IGFN1: variants seen among roughly 807,000 people sequenced by gnomAD.
The protein encoded by IGFN1 is immunoglobulin like and fibronectin type III domain containing 1, also known as immunoglobulin-like and fibronectin type III domain-containing protein 1.
In IGFN1, 253 loss-of-function variants were observed where a neutral mutation model predicts 289.5. The ratio of observed to expected loss-of-function variants is 0.87; its 90% CI spans 0.79 to 0.97. The LOEUF (loss-of-function observed/expected upper bound fraction) is 0.97. Ranked by LOEUF, IGFN1 falls within the 50% of genes least tolerant of loss-of-function variation. IGFN1 has a pLI of 0.00. For missense variants in IGFN1, 4,470 were observed against 4,686.1 expected (o/e 0.95, Z 1.35); for synonymous variants, 1,706 against 1,788.5 (o/e 0.95, Z 1.16).
At chr1:201,202,452 C>T (rs577241481) in intron 9 of IGFN1, among the ~76,000 whole-genome samples, 96 of 152,202 alleles carry the variant, frequency 6.3e-4, no homozygotes, top group African/African-American at 2.1e-3. Flanking sequence ...ATTCCTGCTT[C>T]TCTTCCCCTT....
In IGFN1 at chr1:201,218,547, G is replaced by A; in HGVS notation, c.9787G>A (p.Ala3263Thr). 6.2e-7 allele frequency: 1 copy of A among 1,613,336 alleles called. No individual in the cohort carries two copies. The highest frequency in any genetic ancestry group is 1.3e-5 in the African/African-American group (1 of 75,048). Residue 3263 changes from alanine (A) to threonine (T), a missense_variant, in exon 18 of 24, where the codon GCG becomes ACG. This residue lies in a region of IGFN1 where 2,218 missense variants were observed against 2,114.1 expected (regional missense o/e 1.05). Coordinates refer to ENST00000335211, the MANE Select transcript of IGFN1 (RefSeq NM_001164586.2). ...GTTCACAGAGAGGAGGTGGACGGTG[G>A]CGGACGTGCGGCAGGGCTGTCAGTA... Reference protein sequence around the residue: ...QPVPERRWTVADVRQGCQYEF... With the variant: ...QPVPERRWTVTDVRQGCQYEF...
chr1:201,216,199 C>T (rs1232857969), intron 15 of IGFN1: 5 of 600,260 alleles, frequency 8.3e-6, no homozygotes, highest in East Asian at 2.8e-5. Flanking sequence ...ACGGTGGGGC[C>T]GGGAGGGGCT....
rs1667841149 is a variant in IGFN1, at chr1:201,212,053, G to A, written c.7160G>A (p.Gly2387Asp). 6 of 1,536,410 alleles carry A rather than the reference G, an allele frequency of 3.9e-6. No individual in the cohort carries two copies. Among genetic ancestry groups the A allele is most frequent in the East Asian group, 2.4e-5 (1 of 40,918 alleles). ...EAGPRGHKAM[G>D]HRSGYWVASE... is the part of the protein sequence containing the mutation. ...GGACCCAGAGGCCATAAAGCCATGGGTCACAGGTCAGGATATTGGGTAGCA... is the reference window on the plus strand; with the variant it reads ...GGACCCAGAGGCCATAAAGCCATGGATCACAGGTCAGGATATTGGGTAGCA... The change falls in exon 12 of 24, where the codon GGT (glycine) becomes GAT (aspartate). Residue 2387 changes from glycine (G) to aspartate (D), a missense_variant. Gly to Asp is a moderately conservative substitution (Grantham distance 94, BLOSUM62 -1). This residue lies in a region of IGFN1 where 2,218 missense variants were observed against 2,114.1 expected (regional missense o/e 1.05). Coordinates refer to ENST00000335211, the MANE Select transcript of IGFN1 (RefSeq NM_001164586.2).
At chr1:201,223,106 T>C (rs1653843191) in intron 20 of IGFN1, 3 of 284,620 alleles carry the variant, frequency 1.1e-5, no homozygotes, top group Non-Finnish European at 2.0e-5. Context: ...ACCTCCAAAC[T>C]AAGGCTCTTC....
intron 7 of IGFN1, among the ~76,000 whole-genome samples, 171 bp from the exon 8 acceptor site, chr1:201,200,066 T>C (rs1176035541): frequency 2.0e-5 from 3 of 152,086 alleles, no homozygotes; most frequent in Admixed American, 6.5e-5. Flanking sequence ...GCCCCACCCA[T>C]CTCTGAATCC....
chr1:201,198,861 T>A (rs1667025771), intron 5 of IGFN1, among the ~76,000 whole-genome samples: 1 of 152,176 alleles, frequency 6.6e-6, no homozygotes, highest in South Asian at 2.1e-4. Flanking sequence ...TTTCAGCCTC[T>A]CTAGTGGAAG....
At position 201,206,793 on chromosome 1, in the gene IGFN1, A is replaced by T. The variant is rs1308634926; in HGVS notation, c.1900A>T (p.Ser634Cys). Residue 634 changes from serine (S) to cysteine (C), a missense_variant, in exon 12 of 24, where the codon AGC becomes TGC. Ser to Cys is a moderately radical substitution (Grantham distance 112). Transcript: ENST00000335211. Reference sequence around the variant, plus strand: ...GCAGATAGAGATTTCACAGGATGACAGCCTGGCTGAGATGGACAGAGGGGA... The same window carrying T: ...GCAGATAGAGATTTCACAGGATGACTGCCTGGCTGAGATGGACAGAGGGGA... ...GKQIEISQDD[S>C]LAEMDRGDAP... 1.3e-6 allele frequency: 2 copies of T among 1,536,832 alleles called. No homozygotes were observed. Among genetic ancestry groups the T allele is most frequent in the Non-Finnish European group, 1.7e-6 (2 of 1,146,912 alleles).
Position 201,200,345 on chromosome 1 carries a change from C to T in IGFN1, c.567C>T (p.Val189=), listed in dbSNP as rs556354829. The T allele has an allele frequency of 1.7e-5, 26 of 1,551,744 alleles. No individual in the cohort carries two copies. Among genetic ancestry groups the T allele is most frequent in the South Asian group, 1.4e-4 (12 of 84,062 alleles). ...AGATCTGCTTGAAGTATGGCATCGT[C>T]GACTACCGTGGCATGTTGCGCAGGC... ...YEKICLKYGI[V]DYRGMLRRLQ... is the part of the protein sequence containing the mutation. Residue 189 remains valine, a synonymous_variant, in exon 8 of 24, where the codon GTC becomes GTT. Coordinates refer to ENST00000335211, the MANE Select transcript of IGFN1 (RefSeq NM_001164586.2).
In IGFN1 at chr1:201,206,407, A is replaced by C; in HGVS notation, c.1514A>C (p.Glu505Ala). The C allele has an allele frequency of 6.4e-7, 1 of 1,550,936 alleles. No homozygotes were observed. Residue 505 changes from glutamate (E) to alanine (A), a missense_variant, in exon 12 of 24, where the codon GAA (glutamate) becomes GCA (alanine). Around this residue, in one of 8 missense-constraint regions of IGFN1, gnomAD observed 2,011 missense variants for 1,953.4 expected, o/e 1.03. Transcript: ENST00000335211. ...GGAAGCAGAGCCACTCTTCCCAGGG[A>C]AAATCAATCCCACAGAGAGGGAGGC... ...AEGSRATLPR[E>A]NQSHREGGWA...
rs1480031258 is a variant in IGFN1, at chr1:201,211,999, G to C, written c.7106G>C (p.Gly2369Ala). Residue 2369 changes from glycine (G) to alanine (A), a missense_variant, in exon 12 of 24, where the codon GGC becomes GCC. Gly to Ala is a moderately conservative substitution (Grantham distance 60). Around this residue, in one of 8 missense-constraint regions of IGFN1, gnomAD observed 2,218 missense variants for 2,114.1 expected, o/e 1.05. Coordinates refer to ENST00000335211, the MANE Select transcript of IGFN1 (RefSeq NM_001164586.2). ...GGTTCAGGGAGGCTTGGAGTACCAG[G>C]CTCACTGGCTGGAATAGGACATGAG... Reference protein sequence around the residue: ...GDGSGRLGVPGSLAGIGHEAG... With the variant: ...GDGSGRLGVPASLAGIGHEAG... The C allele has an allele frequency of 6.5e-7, 1 of 1,535,928 alleles. No individual in the cohort carries two copies. Among genetic ancestry groups the C allele is most frequent in the Non-Finnish European group, 8.7e-7 (1 of 1,146,536 alleles).
At position 201,212,637 on chromosome 1, in the gene IGFN1, T is replaced by G. The variant is rs757515335; in HGVS notation, c.7744T>G (p.Leu2582Val). 1 of 1,541,088 alleles carries G rather than the reference T, an allele frequency of 6.5e-7. No homozygotes were observed. Among genetic ancestry groups the G allele is most frequent in the Non-Finnish European group, 8.8e-7 (1 of 1,141,394 alleles). Residue 2582 changes from leucine to valine, a missense_variant, in exon 12 of 24, where the codon TTG becomes GTG. Around this residue, in one of 8 missense-constraint regions of IGFN1, gnomAD observed 2,218 missense variants for 2,114.1 expected, o/e 1.05. Transcript: ENST00000335211. ...ATCTCAGGGAGGTGGGGACTCACTT[T>G]TGGGAGGCAGAAGGGTAGGCTCAGG... ...LASQGGGDSL[L>V]GGRRVGSGSS...
At chr1:201,204,512 G>A (rs1667312489) in intron 10 of IGFN1, among the ~76,000 whole-genome samples, 1 of 152,166 alleles carries the variant, frequency 6.6e-6, no homozygotes, top group Non-Finnish European at 1.5e-5. Flanking sequence ...GAACATGGCT[G>A]AATCAAAGTT....
chr1:201,199,543 A>G, intron 6 of IGFN1, 66 bp from the exon 7 acceptor site: 3 of 1,487,782 alleles, frequency 2.0e-6, no homozygotes, highest in Middle Eastern at 1.7e-4. Flanking sequence ...ACAACACAGA[A>G]AAGCTCTGCA....
At chr1:201,220,400 G>A (rs536262902) in intron 18 of IGFN1, among the ~76,000 whole-genome samples, 5 of 152,284 alleles carry the variant, frequency 3.3e-5, no homozygotes, top group African/African-American at 4.8e-5. Flanking sequence ...GGCTGGTCTT[G>A]AACTCCTGCT....
Position 201,208,480 on chromosome 1 carries a change from A to G in IGFN1, c.3587A>G (p.Asn1196Ser), listed in dbSNP as rs1365737675. 11 of 1,447,048 alleles carry G rather than the reference A, an allele frequency of 7.6e-6. No homozygotes were observed. Among genetic ancestry groups the G allele is most frequent in the Admixed American group, 2.8e-5 (1 of 35,254 alleles). The allele number at this position is 1,447,048 out of a possible 1,614,324, so 89.6% of individuals were successfully genotyped here. A position where few individuals can be genotyped will look rare whatever the true frequency, so the allele number is the denominator to read the frequency against. The change falls in exon 12 of 24, where the codon AAT becomes AGT. Residue 1196 changes from asparagine (N) to serine (S), a missense_variant. Asn to Ser is a conservative substitution (Grantham distance 46). Transcript: ENST00000335211. ...TRHPESLAPH[N>S]GAASGSQWAY... ...CACCCTGAGTCACTCGCACCTCACAATGGGGCCGCTTCTGGGAGCCAGTGG... is the reference window on the plus strand; with the variant it reads ...CACCCTGAGTCACTCGCACCTCACAGTGGGGCCGCTTCTGGGAGCCAGTGG...
rs945425558 is a variant in IGFN1 at position 201,221,445 on chromosome 1, A to C, written c.9900A>C (p.Arg3300Ser). The part of the protein sequence containing the change: ...SDAVFARDPM[R>S]PPGLVRNLQV... Reference sequence around the variant, plus strand: ...TGACTCTCCCATGGTGCCTGGCAGGACCCCCTGGGCTGGTGAGGAATCTCC... The same window carrying C: ...TGACTCTCCCATGGTGCCTGGCAGGCCCCCCTGGGCTGGTGAGGAATCTCC... The change falls in exon 19 of 24, where the codon AGA (arginine) becomes AGC (serine). Residue 3300 changes from arginine to serine, a missense_variant and splice_region_variant. Transcript: ENST00000335211. The C allele has an allele frequency of 6.4e-7, 1 of 1,567,708 alleles. No individual in the cohort carries two copies. Among genetic ancestry groups the C allele is most frequent in the Admixed American group, 1.8e-5 (1 of 56,528 alleles).
chr1:201,205,702 C>T (rs553997517), intron 11 of IGFN1, among the ~76,000 whole-genome samples: 1 of 152,274 alleles, frequency 6.6e-6, no homozygotes, highest in African/African-American at 2.4e-5. Context: ...TCCAGATGTT[C>T]CCAGGAAAGT....
At chr1:201,225,653 T>C (rs902034364) in intron 21 of IGFN1, among the ~76,000 whole-genome samples, 171 bp from the exon 22 acceptor site, 1 of 152,234 alleles carries the variant, frequency 6.6e-6, no homozygotes, top group African/African-American at 2.4e-5. Context: ...GGAGATTTTC[T>C]ACCCTCTAGA....
At chr1:201,217,983 T>G (rs911581297) in intron 17 of IGFN1, among the ~76,000 whole-genome samples, 2 of 152,294 alleles carry the variant, frequency 1.3e-5, no homozygotes, top group Non-Finnish European at 1.5e-5. Context: ...AGAAAGAACT[T>G]GGAAAAGCCA....
Sources: gnomAD v4.1 joint callset for allele counts (sites outside exome capture counted in the v4.1 genomes callset) on GRCh38, gnomAD v4.1.1 for gene constraint, gnomAD v4.1.1 regional missense constraint, MANE v1.5 for transcripts, NCBI Gene and HGNC (gene_info 2026-07-23, HGNC 2026-07-21) for gene names.